Variants in TNIP1 observed in about 807,000 individuals in gnomAD.
The protein encoded by TNIP1 is TNFAIP3-interacting protein 1.
In TNIP1, 22 loss-of-function variants were observed where a neutral mutation model predicts 86.6. That is an observed-to-expected ratio of 0.25 (90% CI 0.18 to 0.36). The LOEUF (loss-of-function observed/expected upper bound fraction) is 0.36, where lower values mean the gene tolerates loss of function less well. Among genes scored for constraint, TNIP1 ranks in the 10% least tolerant of loss-of-function variants. The probability of loss-of-function intolerance (pLI) is 1.00; values close to 1 mark genes in which losing one functional copy is unlikely to be tolerated. For synonymous variants in TNIP1, 294 were observed against 313.0 expected (o/e 0.94, Z 0.64); for missense variants, 709 against 820.6 (o/e 0.86, Z 1.66).
chr5:151,067,907 G>A (rs1482491736), intron 1 of TNIP1, among the ~76,000 whole-genome samples: 3 of 152,184 alleles, frequency 2.0e-5, no homozygotes, highest in Admixed American at 6.5e-5. Flanking sequence ...CCTCAGAGAG[G>A]CCCAGATGTA....
chr5:151,057,644 G>T (rs1760843934), intron 5 of TNIP1, among the ~76,000 whole-genome samples: 1 of 152,174 alleles, frequency 6.6e-6, no homozygotes, highest in South Asian at 2.1e-4. Flanking sequence ...TTGAACCAGG[G>T]AGTCGGAGGT....
chr5:151,035,829 G>T, intron 13 of TNIP1, 122 bp from the exon 14 acceptor site: 1 of 1,282,404 alleles, frequency 7.8e-7, no homozygotes, highest in Non-Finnish European at 1.1e-6. Flanking sequence ...GTCGCCATGG[G>T]GAGTGGGACA....
intron 8 of TNIP1, among the ~76,000 whole-genome samples, chr5:151,046,973 G>A (rs2161359): frequency 0.27 from 40,570 of 152,174 alleles, 6,274 homozygotes; most frequent in Non-Finnish European, 0.36. Context: ...AGTAATAACT[G>A]CTGCAGGTGG....
At chr5:151,087,635 A>C (rs1435806435), upstream of TNIP1, 1 of 152,234 alleles carries the variant, frequency 6.6e-6, no homozygotes, top group Non-Finnish European at 1.5e-5. Flanking sequence ...ATAGTGAAGA[A>C]GGGGCCCACT....
rs1763482846 is a variant in TNIP1 at position 151,077,163 on chromosome 5, G to A, written c.-37+3717C>T. ...TGGAAGACAGAAGGAGAAAATGAGT[G>A]ATTGAAATAGAGAGTGTATTAGCCA... On this transcript the variant is annotated intron_variant, in intron 1 of 17. Coordinates refer to ENST00000521591, the MANE Select transcript of TNIP1 (RefSeq NM_006058.5). 3.9e-5 allele frequency among the ~76,000 whole-genome samples: 6 copies of A among 152,348 alleles called. No individual in the cohort carries two copies. The South Asian group carries it at 1.2e-3, about 32-fold the overall frequency.
upstream of TNIP1, among the ~76,000 whole-genome samples, chr5:151,083,399 C>T (rs545561573): frequency 6.0e-4 from 91 of 152,294 alleles, no homozygotes; most frequent in African/African-American, 2.0e-3. Context: ...CCTCACCAGG[C>T]GCCATCCCAC....
intron 1 of TNIP1, among the ~76,000 whole-genome samples, chr5:151,077,771 T>C (rs1763551171): frequency 6.6e-6 from 1 of 152,272 alleles, no homozygotes; most frequent in African/African-American, 2.4e-5. Flanking sequence ...TTGTGATGCA[T>C]GCTCATGTTT....
chr5:151,072,791 A>G (rs1762959697), intron 1 of TNIP1, among the ~76,000 whole-genome samples: 1 of 152,162 alleles, frequency 6.6e-6, no homozygotes, highest in African/African-American at 2.4e-5. Context: ...CCTTTTAGGT[A>G]GTATATTCCT....
At chr5:151,062,347 T>A in intron 3 of TNIP1, 135 bp from the exon 4 acceptor site, 1 of 775,526 alleles carries the variant, frequency 1.3e-6, no homozygotes, top group Non-Finnish European at 2.2e-6. Flanking sequence ...TGGGAGGTGG[T>A]CTCATCAGGG....
intron 7 of TNIP1, among the ~76,000 whole-genome samples, chr5:151,050,358 C>T (rs565587412): frequency 6.6e-6 from 1 of 152,190 alleles, no homozygotes; most frequent in Non-Finnish European, 1.5e-5. Context: ...CAGTTTCCCT[C>T]GTTAACACAG....
chr5:151,034,226 G>C (rs990325218), intron 15 of TNIP1, among the ~76,000 whole-genome samples: 14 of 146,300 alleles, frequency 9.6e-5, no homozygotes, highest in Non-Finnish European at 1.9e-4. Context: ...ACATGGACAC[G>C]GAAGGCTGGT....
intron 9 of TNIP1, among the ~76,000 whole-genome samples, chr5:151,044,401 A>G (rs187071536): frequency 2.6e-4 from 39 of 152,286 alleles, no homozygotes; most frequent in African/African-American, 8.9e-4. Context: ...GTGTATATAC[A>G]TATATATACA....
chr5:151,083,445 G>C (rs754516343), upstream of TNIP1, among the ~76,000 whole-genome samples: 1 of 152,168 alleles, frequency 6.6e-6, no homozygotes, highest in Non-Finnish European at 1.5e-5. Context: ...GCCTCTAGGA[G>C]CATGGCAGGA....
At chr5:151,083,257 A>G (rs62383768), upstream of TNIP1, among the ~76,000 whole-genome samples, 26,028 of 152,274 alleles carry the variant, frequency 0.17, 2,795 homozygotes, top group East Asian at 0.51. Context: ...CATGTGAATC[A>G]TGAGGATAAA....
chr5:151,046,106 GAC>G (rs1759131744), intron 8 of TNIP1, 156 bp from the exon 9 acceptor site: 1 of 642,762 alleles, frequency 1.6e-6, no homozygotes, highest in Admixed American at 2.5e-5. Flanking sequence ...TCCCAGTCAT[GAC>G]TACGTCCCCT....
At chr5:151,044,408 T>C (rs191567351) in intron 9 of TNIP1, among the ~76,000 whole-genome samples, 27 of 152,224 alleles carry the variant, frequency 1.8e-4, no homozygotes, top group African/African-American at 6.0e-4. Flanking sequence ...TACATATATA[T>C]ACACACACGT....
At chr5:151,040,512 C>T (rs1366581844) in intron 11 of TNIP1, among the ~76,000 whole-genome samples, 3 of 152,134 alleles carry the variant, frequency 2.0e-5, no homozygotes, top group East Asian at 1.9e-4. Flanking sequence ...TACAGGGCCA[C>T]GCCTTGTCAT....
chr5:151,053,101 CTTTTTTTTT>C (rs11390788), intron 6 of TNIP1, among the ~76,000 whole-genome samples: 13 of 85,230 alleles, frequency 1.5e-4, no homozygotes, highest in South Asian at 5.4e-4. Context: ...AACTGTTTCT[CTTTTTTTTT>C]TTTTTTTTTT....
intron 1 of TNIP1, 139 bp downstream of exon 1, chr5:151,080,741 G>C (rs947840585): frequency 1.3e-5 from 2 of 152,306 alleles, no homozygotes; most frequent in African/African-American, 4.8e-5. Context: ...TGGCGGAGAC[G>C]CCCCGGGACC....
Sources: allele counts gnomAD v4.1 joint callset (sites outside exome capture counted in the v4.1 genomes callset), GRCh38; gene constraint gnomAD v4.1.1; transcripts MANE v1.5; gene names NCBI Gene and HGNC (gene_info 2026-07-23, HGNC 2026-07-21).